The following SPON1 variants were observed in gnomAD, a reference collection of about 807,000 sequenced individuals.
The protein encoded by SPON1 is spondin 1.
In SPON1, 52 loss-of-function variants were observed where a neutral mutation model predicts 111.7. That is an observed-to-expected ratio of 0.47 (90% confidence interval 0.37 to 0.59). The LOEUF is 0.59. Ranked by LOEUF, SPON1 falls within the 20% of genes least tolerant of loss-of-function variation. The probability of loss-of-function intolerance (pLI) is 0.00; values close to 1 mark genes in which losing one functional copy is unlikely to be tolerated. For synonymous variants in SPON1, 410 were observed against 395.8 expected, an observed-to-expected ratio of 1.04 and a Z score of -0.43; for missense variants, 957 against 1,068.5, an observed-to-expected ratio of 0.90 and a Z score of 1.46.
At chr11:14,052,045 C>T (rs1379459130) in intron 3 of SPON1, among the ~76,000 whole-genome samples, 1 of 152,176 alleles carries the variant, frequency 6.6e-6, no homozygotes, top group African/African-American at 2.4e-5. Flanking sequence ...ACTCCCCTCC[C>T]CACAGCTCCT....
intron 5 of SPON1, among the ~76,000 whole-genome samples, chr11:14,101,825 A>G (rs571099932): frequency 9.8e-5 from 15 of 152,290 alleles, no homozygotes; most frequent in African/African-American, 3.6e-4. Flanking sequence ...GCTTATTTCA[A>G]CTGTTGTGGG....
chr11:14,151,598 C>A (rs1372034756), intron 6 of SPON1, among the ~76,000 whole-genome samples: 2 of 152,164 alleles, frequency 1.3e-5, no homozygotes, highest in Non-Finnish European at 2.9e-5. Context: ...ACATGTCATC[C>A]TCCTGGGTTA....
intron 1 of SPON1, among the ~76,000 whole-genome samples, chr11:13,972,678 A>G (rs1554908728): frequency 6.6e-6 from 1 of 152,122 alleles, no homozygotes; most frequent in Non-Finnish European, 1.5e-5. Flanking sequence ...TTACATACCA[A>G]CTGCCACCCC....
intron 5 of SPON1, among the ~76,000 whole-genome samples, chr11:14,103,282 C>G (rs1320928385): frequency 6.6e-6 from 1 of 152,180 alleles, no homozygotes; most frequent in African/African-American, 2.4e-5. Flanking sequence ...CCCTGCAAGT[C>G]TGGAAACAGA....
At chr11:14,223,140 G>A (rs781859939) in intron 6 of SPON1, among the ~76,000 whole-genome samples, 2 of 152,188 alleles carry the variant, frequency 1.3e-5, no homozygotes, top group Non-Finnish European at 2.9e-5. Flanking sequence ...TGAGGCGGGT[G>A]GATCACTTGA....
intron 2 of SPON1, among the ~76,000 whole-genome samples, chr11:14,004,729 G>A (rs549295203): frequency 7.2e-5 from 11 of 152,180 alleles, no homozygotes; most frequent in African/African-American, 2.6e-4. Flanking sequence ...ACAAATTTTA[G>A]ATATTAACTC....
intron 6 of SPON1, among the ~76,000 whole-genome samples, chr11:14,169,798 A>G (rs1249689542): frequency 6.6e-6 from 1 of 152,130 alleles, no homozygotes; most frequent in Non-Finnish European, 1.5e-5. Flanking sequence ...CAAAGATCAG[A>G]TAGTTGTAGA....
chr11:14,073,647 T>C (rs1057362381), intron 3 of SPON1, among the ~76,000 whole-genome samples: 3 of 152,234 alleles, frequency 2.0e-5, no homozygotes, highest in African/African-American at 7.2e-5. Context: ...TGCCCTATTC[T>C]ATGCTCTCCT....
chr11:14,238,620 A>G (rs1434303681), intron 6 of SPON1, among the ~76,000 whole-genome samples: 4 of 152,074 alleles, frequency 2.6e-5, no homozygotes. Context: ...CTGCCTCCAG[A>G]ACAGATCTGT....
chr11:14,046,096 G>T (rs1848666147), intron 3 of SPON1, among the ~76,000 whole-genome samples: 1 of 152,174 alleles, frequency 6.6e-6, no homozygotes, highest in Non-Finnish European at 1.5e-5. Context: ...TTTAATAAGG[G>T]TCTATTCACA....
intron 2 of SPON1, among the ~76,000 whole-genome samples, chr11:14,009,739 G>C (rs1848390016): frequency 6.6e-6 from 1 of 152,210 alleles, no homozygotes; most frequent in Non-Finnish European, 1.5e-5. Context: ...CAGCAGATTT[G>C]TTGTCTGGTA....
intron 6 of SPON1, among the ~76,000 whole-genome samples, chr11:14,212,071 G>A (rs1848582258): frequency 6.6e-6 from 1 of 151,682 alleles, no homozygotes; most frequent in South Asian, 2.1e-4. Context: ...GACATATATT[G>A]AAATAGATTA....
Position 14,207,322 on chromosome 11 carries a change from A to G in SPON1, c.826-36010A>G, listed in dbSNP as rs189060019. Among the ~76,000 whole-genome samples, 6 of 152,214 alleles carry G rather than the reference A, an allele frequency of 3.9e-5. No individual in the cohort carries two copies. The East Asian group carries it at 1.2e-3, about 29-fold the overall frequency. Reference sequence around the variant, plus strand: ...CATAGGCACAGTCAAAGATTTCATGACAAAGAAGCCAAAAGCAATTGCAAC... The same window carrying G: ...CATAGGCACAGTCAAAGATTTCATGGCAAAGAAGCCAAAAGCAATTGCAAC... On this transcript the variant is annotated intron_variant, in intron 6 of 15. Transcript: ENST00000576479.
At chr11:14,045,230 G>A (rs1489243747) in intron 3 of SPON1, among the ~76,000 whole-genome samples, 1 of 152,106 alleles carries the variant, frequency 6.6e-6, no homozygotes, top group Admixed American at 6.5e-5. Flanking sequence ...TGTGTGAATG[G>A]CCCATTCATA....
intron 1 of SPON1, among the ~76,000 whole-genome samples, chr11:13,975,053 C>T (rs1848091318): frequency 6.6e-6 from 1 of 152,238 alleles, no homozygotes; most frequent in Non-Finnish European, 1.5e-5. Flanking sequence ...CTCCTTGAAG[C>T]CTCTTCGAAT....
intron 7 of SPON1, among the ~76,000 whole-genome samples, chr11:14,250,175 A>G (rs1017541389): frequency 5.3e-5 from 8 of 152,190 alleles, no homozygotes; most frequent in African/African-American, 1.9e-4. Context: ...TTTTGCCAGC[A>G]TGTCATTTTT....
intron 2 of SPON1, among the ~76,000 whole-genome samples, chr11:13,995,526 C>A (rs554262704): frequency 6.6e-5 from 10 of 152,110 alleles, no homozygotes; most frequent in Non-Finnish European, 1.3e-4. Flanking sequence ...TCTCGTGAGA[C>A]CTGACTCACT....
At chr11:14,241,313 C>T (rs1212020992) in intron 6 of SPON1, among the ~76,000 whole-genome samples, 1 of 152,062 alleles carries the variant, frequency 6.6e-6, no homozygotes, top group African/African-American at 2.4e-5. Context: ...GATGAGGACC[C>T]CATAAGCAAA....
chr11:14,070,214 G>A (rs1018107120), intron 3 of SPON1, among the ~76,000 whole-genome samples: 19 of 152,124 alleles, frequency 1.2e-4, no homozygotes, highest in African/African-American at 4.6e-4. Context: ...TTATAAACTG[G>A]ACCAACTCTA....
Sources: allele counts gnomAD v4.1 joint callset (sites outside exome capture counted in the v4.1 genomes callset), GRCh38; gene constraint gnomAD v4.1.1; transcripts MANE v1.5; gene names NCBI Gene and HGNC (gene_info 2026-07-23, HGNC 2026-07-21).